PAX5: variants seen among roughly 807,000 people sequenced by gnomAD.
The protein encoded by PAX5 is paired box 5.
A neutral mutation model predicts 43.7 loss-of-function variants in PAX5; 9 were observed. That is an observed-to-expected ratio of 0.21 (90% CI 0.12 to 0.36). The LOEUF is 0.36. PAX5 is among the 10% of genes least tolerant of loss of function. The pLI is 1.00. For synonymous variants in PAX5, 228 were observed against 214.3 expected (o/e 1.06, Z -0.56); for missense variants, 383 against 532.7 (o/e 0.72, Z 2.77).
At chr9:36,952,073 T>C (rs941949982) in intron 6 of PAX5, among the ~76,000 whole-genome samples, 3 of 152,154 alleles carry the variant, frequency 2.0e-5, no homozygotes, top group African/African-American at 4.8e-5. Context: ...ACAGGTGATA[T>C]TATTTATTGG....
At chr9:36,888,503 G>A (rs143845012) in intron 7 of PAX5, among the ~76,000 whole-genome samples, 5 of 152,282 alleles carry the variant, frequency 3.3e-5, no homozygotes, top group African/African-American at 4.8e-5. Context: ...ACTATGCTAC[G>A]TGAAAGAAGC....
At chr9:36,928,555 T>TTGAA (rs892127537) in intron 6 of PAX5, among the ~76,000 whole-genome samples, 7 of 152,298 alleles carry the variant, frequency 4.6e-5, no homozygotes, top group African/African-American at 7.2e-5. Flanking sequence ...TAAGTGCTTG[T>TTGAA]TGAATGAATG....
intron 1 of PAX5, chr9:37,026,542 A>C (rs889627484): frequency 7.5e-7 from 1 of 1,331,880 alleles, no homozygotes; most frequent in Non-Finnish European, 9.9e-7. Context: ...CTATGCATGG[A>C]TGCAAACGGG....
intron 8 of PAX5, among the ~76,000 whole-genome samples, chr9:36,860,261 C>T (rs754967444): frequency 1.3e-4 from 19 of 151,984 alleles, no homozygotes; most frequent in Non-Finnish European, 4.4e-5. Context: ...CACTTGAACC[C>T]AGGAGGCAGA....
At chr9:36,856,274 G>T (rs73648137) in intron 8 of PAX5, among the ~76,000 whole-genome samples, 1 of 152,200 alleles carries the variant, frequency 6.6e-6, no homozygotes, top group Admixed American at 6.5e-5. Flanking sequence ...CACCAGTCCC[G>T]ATCTTTGCTA....
intron 7 of PAX5, among the ~76,000 whole-genome samples, chr9:36,920,341 G>A (rs1403127917): frequency 6.6e-6 from 1 of 152,138 alleles, no homozygotes; most frequent in Non-Finnish European, 1.5e-5. Context: ...AGAGTCAATT[G>A]ATGCAGCAAA....
chr9:36,916,571 T>C (rs1031220745), intron 7 of PAX5, among the ~76,000 whole-genome samples: 1 of 152,156 alleles, frequency 6.6e-6, no homozygotes, highest in Non-Finnish European at 1.5e-5. Flanking sequence ...ATAAACTACA[T>C]CTCTTCATTT....
rs10663927 is a variant in PAX5, at chr9:36,984,435, C to CT, written c.605-17712dup. Among the ~76,000 whole-genome samples, 319 of 66,846 alleles carry CT rather than the reference C, an allele frequency of 4.8e-3. 13 individuals carry two copies. Among genetic ancestry groups the CT allele is most frequent in the South Asian group, 7.1e-3 (10 of 1,416 alleles). The allele number at this position is 66,846 out of a possible 152,430, so 43.9% of individuals were successfully genotyped here. ...GCCCTGGATTGGTTATTGAACCTCT[C>CT]TTTTTTTTTTTTTTTTTTTTTTGAG... On this transcript the variant is annotated intron_variant, in intron 5 of 9. Transcript: ENST00000358127.
chr9:36,938,262 T>A (rs1432611921), intron 6 of PAX5, among the ~76,000 whole-genome samples: 1 of 152,218 alleles, frequency 6.6e-6, no homozygotes, highest in Non-Finnish European at 1.5e-5. Flanking sequence ...CAAAGCATAA[T>A]AATTATTTTT....
At position 36,925,498 on chromosome 9, in the gene PAX5, G is replaced by A. The variant is rs147270203; in HGVS notation, c.781-2014C>T. ...CAGAATCCAGTCCAGACCCTGGTCC[G>A]TGCACATATGGAACCGTGATATATG... On this transcript the variant is annotated intron_variant, in intron 6 of 9. Coordinates refer to ENST00000358127, the MANE Select transcript of PAX5 (RefSeq NM_016734.3). Among the ~76,000 whole-genome samples, 233 of 152,270 alleles carry A rather than the reference G, an allele frequency of 1.5e-3. 2 individuals carry two copies. The highest frequency in any genetic ancestry group is 5.2e-3 in the African/African-American group (216 of 41,540).
At chr9:36,893,946 C>T (rs1196038085) in intron 7 of PAX5, among the ~76,000 whole-genome samples, 1 of 152,188 alleles carries the variant, frequency 6.6e-6, no homozygotes, top group African/African-American at 2.4e-5. Flanking sequence ...CCTATGTAAT[C>T]ATAATTAGCA....
chr9:36,886,915 G>A (rs2131793598), intron 7 of PAX5, among the ~76,000 whole-genome samples: 1 of 152,246 alleles, frequency 6.6e-6, no homozygotes, highest in Middle Eastern at 3.4e-3. Flanking sequence ...AGTCCAGGCA[G>A]AACAGTGAAA....
intron 7 of PAX5, among the ~76,000 whole-genome samples, chr9:36,894,500 G>A (rs10973119): frequency 0.22 from 33,908 of 152,096 alleles, 4,002 homozygotes; most frequent in African/African-American, 0.28. Context: ...GGCAGTGTGC[G>A]ATGGGACAAG....
intron 3 of PAX5, among the ~76,000 whole-genome samples, chr9:37,010,258 T>C (rs1011401492): frequency 5.9e-5 from 9 of 152,162 alleles, no homozygotes; most frequent in African/African-American, 2.2e-4. Context: ...AGCAGGACCC[T>C]GGCTGCCGTA....
At chr9:36,956,293 C>G (rs946638093) in intron 6 of PAX5, among the ~76,000 whole-genome samples, 9 of 152,204 alleles carry the variant, frequency 5.9e-5, no homozygotes, top group African/African-American at 2.2e-4. Flanking sequence ...AGCTCTTTGA[C>G]AATTCACTTG....
chr9:36,970,717 ATGGACACGGGCATTG>A (rs1834862828), intron 5 of PAX5, among the ~76,000 whole-genome samples: 1 of 152,142 alleles, frequency 6.6e-6, no homozygotes. Context: ...ACCATCTCCC[ATGGACACGGGCATTG>A]TTCTCCAGAC....
intron 7 of PAX5, among the ~76,000 whole-genome samples, chr9:36,890,373 C>T (rs573493582): frequency 6.6e-6 from 1 of 152,260 alleles, no homozygotes; most frequent in Non-Finnish European, 1.5e-5. Flanking sequence ...TCTTAGCATA[C>T]AAGGCCCAAA....
At chr9:36,884,719 T>C (rs1354863639) in intron 7 of PAX5, among the ~76,000 whole-genome samples, 3 of 152,200 alleles carry the variant, frequency 2.0e-5, no homozygotes, top group Non-Finnish European at 4.4e-5. Context: ...GCTGGATAAA[T>C]CTTAGGCTTG....
rs2132398442 is a variant in PAX5 at position 37,002,715 on chromosome 9, G to A, written c.537C>T (p.Tyr179=). The A allele has an allele frequency of 6.2e-7, 1 of 1,610,774 alleles. No homozygotes were observed. The highest frequency in any genetic ancestry group is 8.5e-7 in the Non-Finnish European group (1 of 1,179,008). ...SVSTDSAGSS[Y]SISGILGITS... is the part of the protein sequence containing the mutation. Reference sequence around the variant, plus strand: ...TGATGCCCAGGATGCCGCTGATGGAGTACGACGAGCCGGCCGAATCCGTGC... The same window carrying A: ...TGATGCCCAGGATGCCGCTGATGGAATACGACGAGCCGGCCGAATCCGTGC... The change falls in exon 5 of 10, where the codon TAC becomes TAT. Residue 179 remains tyrosine, a synonymous_variant. Transcript: ENST00000358127.
Sources: allele counts gnomAD v4.1 joint callset (sites outside exome capture counted in the v4.1 genomes callset), GRCh38; gene constraint gnomAD v4.1.1; transcripts MANE v1.5; gene names NCBI Gene and HGNC (gene_info 2026-07-23, HGNC 2026-07-21).